FOXR1: variants seen among roughly 807,000 people sequenced by gnomAD.
FOXR1 encodes the protein forkhead box protein R1.
FOXR1 carries 25 observed loss-of-function variants against 34.5 expected under a neutral mutation model. The observed-to-expected ratio is 0.72, with a 90% CI of 0.53 to 1.01. The LOEUF is 1.01. Ranked by LOEUF, FOXR1 falls within the 50% of genes least tolerant of loss-of-function variation. The pLI is 0.00. For missense variants in FOXR1, 373 were observed against 376.2 expected (o/e 0.99, Z 0.07); for synonymous variants, 153 against 141.6 (o/e 1.08, Z -0.57).
rs1231174243 is a variant in FOXR1 at position 118,979,126 on chromosome 11, G to T, written c.306G>T (p.Gly102=). ...EEDASCSEAA[G]VESLSQSSSK... is the part of the protein sequence containing the mutation. The stretch of plus-strand genomic sequence containing the variant: ...ATGCCAGCTGCTCAGAGGCCGCAGG[G>T]GTGGAATCACTGTCCCAGTCCTCCA... The change falls in exon 3 of 6, where the codon GGG becomes GGT. Residue 102 remains glycine (G), a synonymous_variant. Coordinates refer to ENST00000317011, the MANE Select transcript of FOXR1 (RefSeq NM_181721.3). 3.7e-6 allele frequency: 6 copies of T among 1,602,690 alleles called. No homozygotes were observed. The highest frequency in any genetic ancestry group is 5.1e-6 in the Non-Finnish European group (6 of 1,174,982).
chr11:118,978,240 A>C (rs1272725918), intron 1 of FOXR1, among the ~76,000 whole-genome samples: 1 of 151,718 alleles, frequency 6.6e-6, no homozygotes, highest in African/African-American at 2.4e-5. Context: ...TACAAAAATT[A>C]GTGGGGTGCA....
At chr11:118,977,784 C>G (rs900509880) in intron 1 of FOXR1, among the ~76,000 whole-genome samples, 1 of 152,056 alleles carries the variant, frequency 6.6e-6, no homozygotes, top group African/African-American at 2.4e-5. Context: ...GTGCCACTTG[C>G]TAAGACAAAG....
At chr11:118,977,774 G>A (rs1333529892) in intron 1 of FOXR1, among the ~76,000 whole-genome samples, 1 of 152,106 alleles carries the variant, frequency 6.6e-6, no homozygotes, top group African/African-American at 2.4e-5. Flanking sequence ...ATTAATGGTG[G>A]TGCCACTTGC....
At position 118,978,763 on chromosome 11, in the gene FOXR1, C is replaced by T; in HGVS notation, c.62-19C>T. ...ATATTCTAGGATGTTTTGACTCTCT[C>T]TGTCTTTCTTTTTGCCAGTTGCCAG... On this transcript the variant is annotated intron_variant, in intron 1 of 5. Coordinates refer to ENST00000317011, the MANE Select transcript of FOXR1 (RefSeq NM_181721.3). The T allele has an allele frequency of 6.2e-7, 1 of 1,613,778 alleles. No individual in the cohort carries two copies. The highest frequency in any genetic ancestry group is 8.5e-7 in the Non-Finnish European group (1 of 1,179,658).
In FOXR1 at chr11:118,978,814, C is replaced by T. The variant is rs1441663611; in HGVS notation, c.94C>T (p.Pro32Ser). 2 of 1,614,058 alleles carry T rather than the reference C, an allele frequency of 1.2e-6. No individual in the cohort carries two copies. The highest frequency in any genetic ancestry group is 1.7e-6 in the Non-Finnish European group (2 of 1,180,050). The change falls in exon 2 of 6, where the codon CCA (proline) becomes TCA (serine). Residue 32 changes from proline (P) to serine (S), a missense_variant. Physicochemically the swap from Pro to Ser is moderately conservative, Grantham distance 74. Coordinates refer to ENST00000317011, the MANE Select transcript of FOXR1 (RefSeq NM_181721.3). ...ARYKLRIVKP[P>S]KLPLEKKPNP... ...GTATAAACTCCGAATTGTTAAGCCA[C>T]CAAAATTACCCCTAGAGAAAAAACC...
At chr11:118,977,556 CA>C (rs1170366722) in intron 1 of FOXR1, among the ~76,000 whole-genome samples, 3 of 151,612 alleles carry the variant, frequency 2.0e-5, no homozygotes, top group Admixed American at 6.6e-5. Context: ...ACCCTGTCTC[CA>C]AAAAAACCCC....
At chr11:118,975,404 T>C (rs1941767683) in intron 1 of FOXR1, among the ~76,000 whole-genome samples, 1 of 151,894 alleles carries the variant, frequency 6.6e-6, no homozygotes, top group African/African-American at 2.4e-5. Context: ...GGATAATCTT[T>C]TTCTTTTTCT....
rs1450250848 is a variant in FOXR1, at chr11:118,978,813, A to G, written c.93A>G (p.Pro31=). ...GGTATAAACTCCGAATTGTTAAGCC[A>G]CCAAAATTACCCCTAGAGAAAAAAC... The part of the protein sequence containing the change: ...LARYKLRIVK[P]PKLPLEKKPN... Residue 31 remains proline (P), a synonymous_variant, in exon 2 of 6, where the codon CCA becomes CCG. Transcript: ENST00000317011. The G allele has an allele frequency of 6.2e-7, 1 of 1,614,170 alleles. No homozygotes were observed. The highest frequency in any genetic ancestry group is 1.1e-5 in the South Asian group (1 of 91,086).
At chr11:118,976,444 C>A (rs534559208) in intron 1 of FOXR1, among the ~76,000 whole-genome samples, 1 of 152,222 alleles carries the variant, frequency 6.6e-6, no homozygotes, top group Non-Finnish European at 1.5e-5. Flanking sequence ...CCAAGCAATC[C>A]GCCTGCCTAA....
In FOXR1 at chr11:118,981,200, T is replaced by C; in HGVS notation, c.851-8T>C. ...TATAAACTCCTGAACTCTCTCCTTT[T>C]CTTACAGATGTGATGCCCTTCCTCT... On this transcript the variant is annotated splice_polypyrimidine_tract_variant and splice_region_variant and intron_variant, in intron 5 of 5. Transcript: ENST00000317011. 6.2e-7 allele frequency: 1 copy of C among 1,614,122 alleles called. No individual in the cohort carries two copies. Among genetic ancestry groups the C allele is most frequent in the Non-Finnish European group, 8.5e-7 (1 of 1,179,986 alleles).
At chr11:118,979,689 G>A in intron 4 of FOXR1, 21 bp downstream of exon 4, 2 of 1,555,138 alleles carry the variant, frequency 1.3e-6, no homozygotes, top group Non-Finnish European at 1.7e-6. Context: ...GGGGCCCTGC[G>A]AGGAGGGGGA....
intron 1 of FOXR1, 88 bp downstream of exon 1, chr11:118,972,080 A>C: frequency 8.1e-7 from 1 of 1,231,520 alleles, no homozygotes; most frequent in Non-Finnish European, 1.1e-6. Context: ...ACGGCTCCCC[A>C]GCCTTCGCCC....
chr11:118,976,485 A>G (rs998570780), intron 1 of FOXR1, among the ~76,000 whole-genome samples: 2 of 152,224 alleles, frequency 1.3e-5, no homozygotes, highest in Non-Finnish European at 2.9e-5. Context: ...TACAGGCATG[A>G]GCCGCTGCAC....
chr11:118,971,982 G>T lies in FOXR1; in HGVS notation c.51G>T (p.Ala17=). 6.4e-7 allele frequency: 1 copy of T among 1,551,578 alleles called. No individual in the cohort carries two copies. The highest frequency in any genetic ancestry group is 2.0e-5 in the Admixed American group (1 of 51,046). ...LAFTTSHLPL[A]EQKLARYKLR... is the part of the protein sequence containing the mutation. ...TCACCACATCTCACCTCCCCTTAGC[G>T]GAGCAGAAACGTGAGTAGCGGGTGG... The change falls in exon 1 of 6, where the codon GCG becomes GCT. Residue 17 remains alanine (A), a synonymous_variant. Coordinates refer to ENST00000317011, the MANE Select transcript of FOXR1 (RefSeq NM_181721.3).
rs782661551 is a variant in FOXR1 at position 118,979,677 on chromosome 11, C to CG, written c.611+14dup. ...ATCTACAGTTTCACTCGGTATGTGCCGGGGGCCCTGCGAGGAGGGGGAAGT... is the reference window on the plus strand; with the variant it reads ...ATCTACAGTTTCACTCGGTATGTGCCGGGGGGCCCTGCGAGGAGGGGGAAGT... On this transcript the variant is annotated intron_variant, in intron 4 of 5. Transcript: ENST00000317011. 1.9e-6 allele frequency: 3 copies of CG among 1,571,546 alleles called. No homozygotes were observed. The highest frequency in any genetic ancestry group is 3.7e-5 in the Admixed American group (2 of 54,214).
intron 1 of FOXR1, among the ~76,000 whole-genome samples, chr11:118,975,420 CTT>C (rs1243396688): frequency 3.1e-4 from 44 of 141,814 alleles, no homozygotes; most frequent in Non-Finnish European, 3.6e-4. Flanking sequence ...TTTCTTTCTT[CTT>C]TTTTTTTTTT....
chr11:118,972,394 C>G (rs1941721937), intron 1 of FOXR1, among the ~76,000 whole-genome samples: 1 of 152,026 alleles, frequency 6.6e-6, no homozygotes, highest in Non-Finnish European at 1.5e-5. Flanking sequence ...TTTTCCGTCT[C>G]TTAAAAAAAC....
intron 1 of FOXR1, among the ~76,000 whole-genome samples, chr11:118,977,524 C>T (rs1258722088): frequency 2.6e-5 from 4 of 152,050 alleles, no homozygotes; most frequent in Non-Finnish European, 1.5e-5. Context: ...CCACTGCACT[C>T]CAGCATGGGC....
chr11:118,979,164 C>G lies in FOXR1; in HGVS notation c.344C>G (p.Pro115Arg). The change falls in exon 3 of 6, where the codon CCC becomes CGC. Residue 115 changes from proline to arginine, a missense_variant. Pro to Arg is a moderately radical substitution (Grantham distance 103, BLOSUM62 -2). Transcript: ENST00000317011. ...TCCCAGTCCTCCAGCAAGCGGTCTC[C>G]CCCTCGGAAGCGGTTTGCCTTTTCC... Reference protein sequence around the residue: ...SLSQSSSKRSPPRKRFAFSPS... With the variant: ...SLSQSSSKRSRPRKRFAFSPS... 6.4e-7 allele frequency: 1 copy of G among 1,552,024 alleles called. No homozygotes were observed.
Sources: gnomAD v4.1 joint callset for allele counts (sites outside exome capture counted in the v4.1 genomes callset) on GRCh38, gnomAD v4.1.1 for gene constraint, MANE v1.5 for transcripts, NCBI Gene and HGNC (gene_info 2026-07-23, HGNC 2026-07-21) for gene names.